EDARADD: variants seen among roughly 807,000 people sequenced by gnomAD.
EDARADD encodes ectodysplasin-A receptor-associated adapter protein.
EDARADD carries 20 observed loss-of-function variants against 25.6 expected under a neutral mutation model. The observed-to-expected ratio is 0.78, with a 90% CI of 0.55 to 1.14. The LOEUF (loss-of-function observed/expected upper bound fraction) is 1.14, where lower values mean the gene tolerates loss of function less well. EDARADD is among the 50% of genes most tolerant of loss of function. The pLI is 0.00. For synonymous variants in EDARADD, 86 were observed against 94.4 expected (o/e 0.91, Z 0.52); for missense variants, 225 against 270.1 (o/e 0.83, Z 1.17).
chr1:236,369,774 G>T lies in EDARADD; in HGVS notation c.-6+18935G>T, dbSNP rs541864569. ...AACTGCTTGAACCTGGGAGGTGGAG[G>T]TTCGGTGAGCCGAGATTGCACCATT... On this transcript the variant is annotated intron_variant, in intron 3 of 7. Transcript: ENST00000439430. 9.2e-5 allele frequency among the ~76,000 whole-genome samples: 14 copies of T among 152,188 alleles called. No homozygotes were observed. The East Asian group carries it at 2.1e-3, about 23-fold the overall frequency.
intron 4 of EDARADD, among the ~76,000 whole-genome samples, chr1:236,443,075 G>T (rs1658444548): frequency 6.6e-6 from 1 of 152,156 alleles, no homozygotes; most frequent in Non-Finnish European, 1.5e-5. Flanking sequence ...ATATTAGCAT[G>T]CCCAGTTCCT....
intron 3 of EDARADD, among the ~76,000 whole-genome samples, chr1:236,384,936 AC>A (rs1667335116): frequency 1.3e-5 from 2 of 151,958 alleles, no homozygotes. Context: ...AAATTTGGAT[AC>A]TCACCTTTGT....
At chr1:236,454,037 T>C (rs1216183721) in intron 4 of EDARADD, among the ~76,000 whole-genome samples, 1 of 122,642 alleles carries the variant, frequency 8.2e-6, no homozygotes, top group Non-Finnish European at 1.6e-5. Context: ...TTTGTATCTT[T>C]TTCTTTTTCT....
intron 4 of EDARADD, among the ~76,000 whole-genome samples, chr1:236,452,791 G>A (rs1658749015): frequency 6.6e-6 from 1 of 152,076 alleles, no homozygotes; most frequent in African/African-American, 2.4e-5. Flanking sequence ...TGTGGAACAT[G>A]TACACACCAC....
At chr1:236,434,198 C>G (rs536577482) in intron 4 of EDARADD, among the ~76,000 whole-genome samples, 217 of 152,222 alleles carry the variant, frequency 1.4e-3, no homozygotes, top group Non-Finnish European at 2.4e-3. Context: ...AGAACACAGC[C>G]CAACACAAAT....
intron 1 of EDARADD, among the ~76,000 whole-genome samples, chr1:236,407,848 C>T (rs1398244813): frequency 2.0e-5 from 3 of 152,180 alleles, no homozygotes; most frequent in African/African-American, 4.8e-5. Context: ...TTCCGTATTT[C>T]CCCTTTAAAT....
Position 236,483,602 on chromosome 1 carries a change from A to C in EDARADD, c.*953A>C. 6.6e-7 allele frequency: 1 copy of C among 1,506,510 alleles called. No individual in the cohort carries two copies. Among genetic ancestry groups the C allele is most frequent in the Middle Eastern group, 1.9e-4 (1 of 5,358 alleles). The allele number at this position is 1,506,510 out of a possible 1,614,324, so 93.3% of individuals were successfully genotyped here. ...CTGGCAACTCCAAAGTCATCTTGCC[A>C]GTCCCGGTGTTCAATGTCATCAATG... On this transcript the variant is annotated 3_prime_UTR_variant, in exon 6 of 6. Coordinates refer to ENST00000334232, the MANE Select transcript of EDARADD (RefSeq NM_145861.4).
At chr1:236,467,449 C>T (rs1253602) in intron 4 of EDARADD, among the ~76,000 whole-genome samples, 4,302 of 151,554 alleles carry the variant, frequency 0.028, 134 homozygotes, top group East Asian at 0.17. Flanking sequence ...CACACACACA[C>T]ACACACATAC....
At chr1:236,477,048 C>T (rs145341951) in intron 5 of EDARADD, among the ~76,000 whole-genome samples, 88 of 130,546 alleles carry the variant, frequency 6.7e-4, no homozygotes, top group African/African-American at 2.7e-3. Context: ...GAAAAGTGCC[C>T]ATAAGCAAAA....
intron 3 of EDARADD, among the ~76,000 whole-genome samples, chr1:236,354,807 A>G (rs943376380): frequency 3.9e-5 from 6 of 152,198 alleles, no homozygotes; most frequent in Admixed American, 6.5e-5. Flanking sequence ...CCTTTAACGT[A>G]AAGAGCCAAA....
chr1:236,369,805 C>G (rs995007434), intron 3 of EDARADD, among the ~76,000 whole-genome samples: 24 of 152,216 alleles, frequency 1.6e-4, no homozygotes, highest in African/African-American at 5.5e-4. Flanking sequence ...CCATTGCACT[C>G]CAGCCTGGGC....
At chr1:236,434,047 C>T (rs766091937) in intron 4 of EDARADD, among the ~76,000 whole-genome samples, 3 of 152,146 alleles carry the variant, frequency 2.0e-5, no homozygotes, top group Non-Finnish European at 4.4e-5. Flanking sequence ...AATGGCAGCA[C>T]GGTATGCCCA....
chr1:236,369,695 G>A (rs980940873), intron 3 of EDARADD, among the ~76,000 whole-genome samples: 15 of 152,056 alleles, frequency 9.9e-5, no homozygotes, highest in African/African-American at 3.6e-4. Context: ...AAAATTAGCT[G>A]GGCATGGTGG....
intron 4 of EDARADD, among the ~76,000 whole-genome samples, chr1:236,439,299 A>G (rs1378386605): frequency 6.6e-6 from 1 of 152,234 alleles, no homozygotes; most frequent in Non-Finnish European, 1.5e-5. Flanking sequence ...TTGTAAACAA[A>G]GCTGCTGTAA....
At chr1:236,447,678 A>G (rs1324799552) in intron 4 of EDARADD, among the ~76,000 whole-genome samples, 1 of 152,090 alleles carries the variant, frequency 6.6e-6, no homozygotes, top group East Asian at 1.9e-4. Context: ...ATCCCTAAGG[A>G]TAGATTTGAA....
chr1:236,399,871 C>T (rs984349048), intron 1 of EDARADD, among the ~76,000 whole-genome samples: 8 of 152,228 alleles, frequency 5.3e-5, no homozygotes, highest in Admixed American at 5.2e-4. Flanking sequence ...CCTGGGGGAA[C>T]CCTGGGCCTG....
At chr1:236,413,535 G>C (rs1484247105) in intron 2 of EDARADD, among the ~76,000 whole-genome samples, 1 of 152,172 alleles carries the variant, frequency 6.6e-6, no homozygotes, top group African/African-American at 2.4e-5. Flanking sequence ...GGGGTTAGGG[G>C]ACAGGGTTGG....
chr1:236,375,379 G>A (rs1667214002), intron 3 of EDARADD, among the ~76,000 whole-genome samples: 1 of 152,116 alleles, frequency 6.6e-6, no homozygotes, highest in South Asian at 2.1e-4. Context: ...AACCAGGCCA[G>A]GCGCAGTGGC....
intron 1 of EDARADD, among the ~76,000 whole-genome samples, chr1:236,405,866 CTTCCTTCCTTCTTTCTTTCT>C (rs1667716344): frequency 7.4e-5 from 3 of 40,800 alleles, no homozygotes; most frequent in African/African-American, 3.5e-4. Context: ...TCCTTCCTTC[CTTCCTTCCTTCTTTCTTTCT>C]TTCTTTCTTT....
Sources: gnomAD v4.1 joint callset for allele counts (sites outside exome capture counted in the v4.1 genomes callset) on GRCh38, gnomAD v4.1.1 for gene constraint, MANE v1.5 for transcripts, NCBI Gene and HGNC (gene_info 2026-07-23, HGNC 2026-07-21) for gene names.